The following CCDC91 variants were observed in gnomAD, a reference collection of about 807,000 sequenced individuals.
CCDC91 encodes coiled-coil domain-containing protein 91.
In CCDC91, 48 loss-of-function variants were observed where a neutral mutation model predicts 63.2. The observed-to-expected ratio is 0.76, with a 90% CI of 0.60 to 0.97. The LOEUF is 0.97. Among genes scored for constraint, CCDC91 ranks in the 50% least tolerant of loss-of-function variants. The pLI is 0.00. For synonymous variants in CCDC91, 167 were observed against 165.8 expected, an observed-to-expected ratio of 1.01 and a Z score of -0.06; for missense variants, 500 against 494.6, an observed-to-expected ratio of 1.01 and a Z score of -0.10.
intron 11 of CCDC91, among the ~76,000 whole-genome samples, chr12:28,476,829 A>G (rs1951124162): frequency 6.6e-6 from 1 of 152,202 alleles, no homozygotes; most frequent in South Asian, 2.1e-4. Flanking sequence ...CCATCAGAGG[A>G]TACTATAAAC....
intron 7 of CCDC91, among the ~76,000 whole-genome samples, chr12:28,377,751 C>T (rs1450259538): frequency 1.3e-5 from 2 of 151,916 alleles, no homozygotes; most frequent in Non-Finnish European, 2.9e-5. Context: ...CTATACATTT[C>T]AAGATATTGC....
At chr12:28,502,121 C>A (rs546269192) in intron 12 of CCDC91, among the ~76,000 whole-genome samples, 3 of 151,676 alleles carry the variant, frequency 2.0e-5, no homozygotes, top group Non-Finnish European at 4.4e-5. Flanking sequence ...GTCTTGCTAG[C>A]GGTCTATCAA....
chr12:28,404,342 C>T (rs773784204), intron 8 of CCDC91, among the ~76,000 whole-genome samples: 6 of 151,812 alleles, frequency 4.0e-5, no homozygotes, highest in Admixed American at 2.0e-4. Flanking sequence ...TTAATTCCAC[C>T]GTGGTCTGAA....
chr12:28,378,988 T>C (rs1253717726), intron 7 of CCDC91, among the ~76,000 whole-genome samples: 2 of 152,076 alleles, frequency 1.3e-5, no homozygotes, highest in Non-Finnish European at 2.9e-5. Context: ...CCAAAAGGTA[T>C]TGGAAACCTT....
chr12:28,477,089 T>C (rs751710349), intron 11 of CCDC91, among the ~76,000 whole-genome samples: 1 of 152,128 alleles, frequency 6.6e-6, no homozygotes, highest in Non-Finnish European at 1.5e-5. Flanking sequence ...TCCAAATCAA[T>C]AGAAAAAGGG....
chr12:28,529,580 T>G (rs1941564659), intron 12 of CCDC91, among the ~76,000 whole-genome samples: 1 of 152,124 alleles, frequency 6.6e-6, no homozygotes, highest in Non-Finnish European at 1.5e-5. Context: ...GTTAGATGAG[T>G]GCATGCACTT....
At chr12:28,364,714 G>T (rs1443576891) in intron 7 of CCDC91, among the ~76,000 whole-genome samples, 3 of 130,466 alleles carry the variant, frequency 2.3e-5, no homozygotes, top group African/African-American at 8.0e-5. Context: ...AAAAAGAGAA[G>T]CATACGGTAA....
chr12:28,203,216 A>G (rs1440919584), intron 1 of CCDC91, among the ~76,000 whole-genome samples: 4 of 152,128 alleles, frequency 2.6e-5, no homozygotes, highest in African/African-American at 9.7e-5. Context: ...AAAATCAGCC[A>G]TTTTTCTGTA....
chr12:28,411,867 G>A (rs1947337684), intron 8 of CCDC91, among the ~76,000 whole-genome samples: 1 of 152,112 alleles, frequency 6.6e-6, no homozygotes, highest in Admixed American at 6.6e-5. Context: ...CCTCAGGCAG[G>A]TCCTTCAGGA....
chr12:28,250,368 C>T (rs1441946668), intron 1 of CCDC91, among the ~76,000 whole-genome samples: 4 of 152,080 alleles, frequency 2.6e-5, no homozygotes, highest in Non-Finnish European at 4.4e-5. Flanking sequence ...AGTTTGCTTT[C>T]TTTGGACTTG....
chr12:28,380,496 A>G (rs879909996), intron 7 of CCDC91, among the ~76,000 whole-genome samples: 7 of 152,102 alleles, frequency 4.6e-5, no homozygotes, highest in Non-Finnish European at 1.0e-4. Flanking sequence ...TGTGAGTCTC[A>G]TTCTATCAGA....
intron 3 of CCDC91, among the ~76,000 whole-genome samples, chr12:28,294,807 A>T (rs1592229707): frequency 6.6e-6 from 1 of 150,858 alleles, no homozygotes; most frequent in East Asian, 2.0e-4. Flanking sequence ...CTGGTTTGGA[A>T]CTCCCGACCT....
intron 1 of CCDC91, among the ~76,000 whole-genome samples, chr12:28,224,040 G>C (rs1944115739): frequency 6.6e-6 from 1 of 152,162 alleles, no homozygotes; most frequent in Admixed American, 6.5e-5. Flanking sequence ...ACAAATCAGT[G>C]ACCAGAATCG....
Position 28,431,103 on chromosome 12 carries a change from TCA to T in CCDC91, c.763-19047_763-19046del, listed in dbSNP as rs1192310030. 7.2e-5 allele frequency among the ~76,000 whole-genome samples: 11 copies of T among 152,232 alleles called. No individual in the cohort carries two copies. In the South Asian group the frequency reaches 8.3e-4, roughly 11 times the overall value. ...TACATTGTGTTCAGAGAATTATATA[TCA>T]CACACACACATATGATATTAATTCT... On this transcript the variant is annotated intron_variant, in intron 8 of 12. Coordinates refer to ENST00000536442, the MANE Select transcript of CCDC91 (RefSeq NM_018318.5).
intron 12 of CCDC91, among the ~76,000 whole-genome samples, chr12:28,531,725 T>C (rs918238579): frequency 1.3e-5 from 2 of 152,208 alleles, no homozygotes; most frequent in African/African-American, 4.8e-5. Context: ...GTCTCTTCTA[T>C]ATTTTTGTTC....
intron 8 of CCDC91, among the ~76,000 whole-genome samples, chr12:28,425,893 A>T (rs563872454): frequency 5.3e-5 from 8 of 152,302 alleles, no homozygotes; most frequent in Admixed American, 5.2e-4. Flanking sequence ...ATTGTGATGC[A>T]TACTTAAGTT....
At chr12:28,383,861 G>A (rs1330478241) in intron 7 of CCDC91, among the ~76,000 whole-genome samples, 1 of 152,044 alleles carries the variant, frequency 6.6e-6, no homozygotes, top group East Asian at 1.9e-4. Context: ...AGAGATTATT[G>A]GTTCACTGAT....
At chr12:28,445,067 T>C (rs1053789074) in intron 8 of CCDC91, among the ~76,000 whole-genome samples, 8 of 152,222 alleles carry the variant, frequency 5.3e-5, no homozygotes, top group African/African-American at 1.9e-4. Context: ...GTCTTAGTTA[T>C]ATATCAGTTT....
rs1298908221 is a variant in CCDC91 at position 28,298,169 on chromosome 12, CACTT to C, written c.110-7478_110-7475del. On this transcript the variant is annotated intron_variant, in intron 3 of 12. Coordinates refer to ENST00000536442, the MANE Select transcript of CCDC91 (RefSeq NM_018318.5). ...TAAAAATTGGATTTGGGTTATGAAA[CACTT>C]AGTAAACATAGTATCAAATTCAACA... Among the ~76,000 whole-genome samples, 6 of 151,708 alleles carry C rather than the reference CACTT, an allele frequency of 4.0e-5. No individual in the cohort carries two copies. The East Asian group carries it at 5.8e-4, about 15-fold the overall frequency.
Sources: allele counts gnomAD v4.1 joint callset (sites outside exome capture counted in the v4.1 genomes callset), GRCh38; gene constraint gnomAD v4.1.1; transcripts MANE v1.5; gene names NCBI Gene and HGNC (gene_info 2026-07-23, HGNC 2026-07-21).